IQSEC3: variants seen among roughly 807,000 people sequenced by gnomAD.
The protein encoded by IQSEC3 is IQ motif and Sec7 domain ArfGEF 3, also known as IQ motif and SEC7 domain-containing protein 3.
IQSEC3 carries 50 observed loss-of-function variants against 105.4 expected under a neutral mutation model. The observed-to-expected ratio is 0.47, with a 90% CI of 0.38 to 0.60. IQSEC3 has a LOEUF of 0.60. IQSEC3 is among the 20% of genes least tolerant of loss of function. The pLI, the probability that IQSEC3 is intolerant of heterozygous loss-of-function variation, is 0.00. For synonymous variants in IQSEC3, 708 were observed against 746.0 expected, an observed-to-expected ratio of 0.95 and a Z score of 0.83; for missense variants, 1,415 against 1,630.0, an observed-to-expected ratio of 0.87 and a Z score of 2.27.
rs138513610 is a variant in IQSEC3, at chr12:146,691, G to T, written c.2153+5406G>T. Among the ~76,000 whole-genome samples the T allele has an allele frequency of 3.1e-3, 475 of 151,648 alleles. 3 individuals carry two copies. The highest frequency in any genetic ancestry group is 0.014 in the Middle Eastern group (4 of 294). On this transcript the variant is annotated intron_variant, in intron 5 of 13. Coordinates refer to ENST00000538872, the MANE Select transcript of IQSEC3 (RefSeq NM_001170738.2). Reference sequence around the variant, plus strand: ...AGAAAGAGAGAAAGAGAGAGAGAGAGGAGAGTGGGAGGAAGGGAGGGAGGG... The same window carrying T: ...AGAAAGAGAGAAAGAGAGAGAGAGATGAGAGTGGGAGGAAGGGAGGGAGGG...
At chr12:99,511 T>A (rs186101487) in intron 2 of IQSEC3, among the ~76,000 whole-genome samples, 136 of 152,348 alleles carry the variant, frequency 8.9e-4, no homozygotes, top group African/African-American at 3.1e-3. Context: ...GGAAAGTTGA[T>A]TTGATTGGGG....
chr12:99,180 GCCGCCGAC>G lies in IQSEC3; in HGVS notation c.590_597del (p.Ala197GlyfsTer10), dbSNP rs1555075465. Reference sequence around the variant, plus strand: ...CGTGCTGCACCAGTTCTGCTGCCCAGCCGCCGACGCCTGCTCCGACCTGGCCTCCCAAA... The same window carrying G: ...CGTGCTGCACCAGTTCTGCTGCCCAGGCCTGCTCCGACCTGGCCTCCCAAA... On this transcript the variant is annotated frameshift_variant, in exon 2 of 14. Coordinates refer to ENST00000538872, the MANE Select transcript of IQSEC3 (RefSeq NM_001170738.2). LOFTEE classifies it high-confidence loss of function. 1 of 1,598,966 alleles carries G rather than the reference GCCGCCGAC, an allele frequency of 6.3e-7. No homozygotes were observed. The highest frequency in any genetic ancestry group is 8.5e-7 in the Non-Finnish European group (1 of 1,179,734).
chr12:76,235 G>T (rs1265909600), intron 1 of IQSEC3, among the ~76,000 whole-genome samples: 1 of 152,260 alleles, frequency 6.6e-6, no homozygotes, highest in Non-Finnish European at 1.5e-5. Context: ...AGAGAGGAAA[G>T]AGCTGGATTC....
chr12:73,463 C>T (rs1394486194), intron 1 of IQSEC3, among the ~76,000 whole-genome samples: 6 of 152,240 alleles, frequency 3.9e-5, no homozygotes, highest in Non-Finnish European at 8.8e-5. Flanking sequence ...CAGCTGAGGT[C>T]AGGAGTTTGA....
intron 1 of IQSEC3, among the ~76,000 whole-genome samples, chr12:72,275 G>A (rs1455155062): frequency 6.6e-6 from 1 of 151,628 alleles, no homozygotes; most frequent in African/African-American, 2.4e-5. Context: ...GGTCACTTAC[G>A]AGAAAAGGCA....
chr12:103,685 G>GA (rs1864521832), intron 2 of IQSEC3, among the ~76,000 whole-genome samples: 1 of 34,984 alleles, frequency 2.9e-5, no homozygotes, highest in Non-Finnish European at 5.3e-5. Flanking sequence ...CAGGGCTCAG[G>GA]GGTAGGTGGG....
At chr12:169,766 C>G (rs1254757567) in intron 12 of IQSEC3, among the ~76,000 whole-genome samples, 3 of 152,244 alleles carry the variant, frequency 2.0e-5, no homozygotes, top group African/African-American at 4.8e-5. Flanking sequence ...CCTCCCTCCA[C>G]CAGCCCCAAA....
chr12:160,327 G>T (rs893636195), intron 7 of IQSEC3, among the ~76,000 whole-genome samples: 4 of 152,150 alleles, frequency 2.6e-5, no homozygotes, highest in Non-Finnish European at 4.4e-5. Context: ...GCTGGCTGGT[G>T]AGCTTTCTTG....
chr12:162,220 C>CTTTTTTTT (rs11307485), intron 8 of IQSEC3, among the ~76,000 whole-genome samples, 155 bp downstream of exon 8: 2 of 150,290 alleles, frequency 1.3e-5, no homozygotes. Context: ...CACTGCATCT[C>CTTTTTTTT]TTTTTTTTTT....
At chr12:110,331 C>T (rs782169277) in intron 2 of IQSEC3, among the ~76,000 whole-genome samples, 15 of 151,980 alleles carry the variant, frequency 9.9e-5, no homozygotes, top group Non-Finnish European at 2.1e-4. Flanking sequence ...AAAGGCCTTG[C>T]CCTACTGGGT....
chr12:75,256 C>T (rs2136868073), intron 1 of IQSEC3, among the ~76,000 whole-genome samples: 1 of 152,190 alleles, frequency 6.6e-6, no homozygotes, highest in East Asian at 1.9e-4. Context: ...AACTAAAGGC[C>T]AGGGAAGGAG....
At position 66,851 on chromosome 12, in the gene IQSEC3, G is replaced by T. The variant is rs1555065340; in HGVS notation, c.-32G>T. The T allele has an allele frequency of 7.3e-7, 1 of 1,379,154 alleles. No homozygotes were observed. Among genetic ancestry groups the T allele is most frequent in the Admixed American group, 3.3e-5 (1 of 30,334 alleles). 85.4% of individuals were successfully genotyped at this position (1,379,154 alleles called of 1,614,324 possible). A position where few individuals can be genotyped will look rare whatever the true frequency, so the allele number is the denominator to read the frequency against. ...CTCGCGCTCCCCGCCGCCAGCCCAG[G>T]CGCAGGCAGGGCGCAGGCGGCGGCG... On this transcript the variant is annotated 5_prime_UTR_variant, in exon 1 of 14. Coordinates refer to ENST00000538872, the MANE Select transcript of IQSEC3 (RefSeq NM_001170738.2).
Position 138,194 on chromosome 12 carries a change from T to C in IQSEC3, c.904-73T>C. ...CCCCACCCGAGTGTGGCCGGGTGACTCCACCACTCCTCAGAAGGGCTGACC... is the reference window on the plus strand; with the variant it reads ...CCCCACCCGAGTGTGGCCGGGTGACCCCACCACTCCTCAGAAGGGCTGACC... On this transcript the variant is annotated intron_variant, in intron 3 of 13. Coordinates refer to ENST00000538872, the MANE Select transcript of IQSEC3 (RefSeq NM_001170738.2). This position sits in a 1 kb window ranked among gnomAD's most constrained non-coding sequence, Gnocchi z 7.1. The C allele has an allele frequency of 7.2e-7, 1 of 1,380,868 alleles. No individual in the cohort carries two copies. The highest frequency in any genetic ancestry group is 1.0e-6 in the Non-Finnish European group (1 of 1,001,630). The allele number at this position is 1,380,868 out of a possible 1,614,324, so 85.5% of individuals were successfully genotyped here.
intron 7 of IQSEC3, among the ~76,000 whole-genome samples, chr12:160,161 G>A: frequency 7.3e-6 from 1 of 137,458 alleles, no homozygotes; most frequent in East Asian, 2.1e-4. Context: ...TATTTCTTCT[G>A]GAGTCCTTTT....
chr12:159,955 A>C (rs1866826953), intron 7 of IQSEC3, among the ~76,000 whole-genome samples: 1 of 152,076 alleles, frequency 6.6e-6, no homozygotes, highest in Non-Finnish European at 1.5e-5. Context: ...AGTGTCCCTC[A>C]GTGCCGTCTT....
intron 2 of IQSEC3, among the ~76,000 whole-genome samples, chr12:112,178 C>T (rs1454546878): frequency 2.0e-5 from 3 of 151,938 alleles, no homozygotes; most frequent in East Asian, 1.9e-4. Flanking sequence ...GATTTATGAC[C>T]GAAGTAGCTG....
chr12:163,538 C>T lies in IQSEC3; in HGVS notation c.2628C>T (p.Leu876=). ...PHRRLVCCSR[L]FEVTDVNKLQ... ...GCCGCCTGGTGTGCTGCAGCCGGCT[C>T]TTCGAGGTGACGGATGTGAACAAGC... is the stretch of plus-strand genomic sequence containing the variant. Residue 876 remains leucine (L), a synonymous_variant, in exon 9 of 14, where the codon CTC becomes CTT. Coordinates refer to ENST00000538872, the MANE Select transcript of IQSEC3 (RefSeq NM_001170738.2). 1.2e-6 allele frequency: 2 copies of T among 1,611,938 alleles called. No individual in the cohort carries two copies. Among genetic ancestry groups the T allele is most frequent in the Non-Finnish European group, 1.7e-6 (2 of 1,179,404 alleles).
At chr12:119,093 C>T (rs1313155742) in intron 2 of IQSEC3, among the ~76,000 whole-genome samples, 2 of 152,146 alleles carry the variant, frequency 1.3e-5, no homozygotes, top group African/African-American at 2.4e-5. Flanking sequence ...ATGAGAAAAC[C>T]GTGGTCCAGA....
intron 5 of IQSEC3, among the ~76,000 whole-genome samples, chr12:153,915 G>A (rs1866593854): frequency 6.6e-6 from 1 of 152,180 alleles, no homozygotes. Context: ...CTGATTCCCA[G>A]GACTTGCCCC....
Sources: gnomAD v4.1 joint callset for allele counts (sites outside exome capture counted in the v4.1 genomes callset) on GRCh38, gnomAD v4.1.1 for gene constraint, Gnocchi (gnomAD v3.1) non-coding constraint, MANE v1.5 for transcripts, NCBI Gene and HGNC (gene_info 2026-07-23, HGNC 2026-07-21) for gene names.